Variants in NAALADL2 observed in about 807,000 individuals in gnomAD.
NAALADL2 encodes the protein N-acetylated alpha-linked acidic dipeptidase like 2, also known as inactive N-acetylated-alpha-linked acidic dipeptidase-like protein 2.
A neutral mutation model predicts 87.2 loss-of-function variants in NAALADL2; 76 were observed. The observed-to-expected ratio is 0.87, with a 90% CI of 0.72 to 1.05. The LOEUF (loss-of-function observed/expected upper bound fraction) is 1.05. NAALADL2 is among the 50% of genes least tolerant of loss of function. NAALADL2 has a pLI of 0.00. For missense variants in NAALADL2, 1,089 were observed against 945.8 expected, an observed-to-expected ratio of 1.15 and a Z score of -1.99; for synonymous variants, 354 against 331.0, an observed-to-expected ratio of 1.07 and a Z score of -0.75.
At chr3:175,544,659 C>T (rs1712987041) in intron 9 of NAALADL2, among the ~76,000 whole-genome samples, 1 of 152,054 alleles carries the variant, frequency 6.6e-6, no homozygotes, top group Admixed American at 6.6e-5. Flanking sequence ...TGGATATTTG[C>T]CTATTTTATA....
rs148978113 is a variant in NAALADL2, at chr3:175,541,373, A to G, written c.1654-34668A>G. Reference sequence around the variant, plus strand: ...ATTTAATACACCTAACCTTTCAAACATCATAGCTTAACCTAGCCTACCTTA... The same window carrying G: ...ATTTAATACACCTAACCTTTCAAACGTCATAGCTTAACCTAGCCTACCTTA... On this transcript the variant is annotated intron_variant, in intron 9 of 13. Coordinates refer to ENST00000454872, the MANE Select transcript of NAALADL2 (RefSeq NM_207015.3). Among the ~76,000 whole-genome samples the G allele has an allele frequency of 3.3e-3, 497 of 152,340 alleles. 4 individuals are homozygous for G. Among genetic ancestry groups the G allele is most frequent in the Non-Finnish European group, 6.0e-3 (406 of 68,032 alleles).
At chr3:174,580,262 T>C (rs1716015138) in intron 2 of NAALADL2, among the ~76,000 whole-genome samples, 2 of 152,222 alleles carry the variant, frequency 1.3e-5, no homozygotes, top group East Asian at 1.9e-4. Flanking sequence ...TTGTACGTTT[T>C]TTCATGTGGA....
rs1279189457 is a variant in NAALADL2, at chr3:175,195,754, T to C, written c.546-38177T>C. On this transcript the variant is annotated intron_variant, in intron 2 of 13. Coordinates refer to ENST00000454872, the MANE Select transcript of NAALADL2 (RefSeq NM_207015.3). ...ATAAATTATTGTTCCATGTTGAATT[T>C]ATTGTTATGGGCCTGAAGGCTTTCA... Among the ~76,000 whole-genome samples the C allele has an allele frequency of 4.6e-5, 7 of 151,976 alleles. No homozygotes were observed. The South Asian group carries it at 1.4e-3, about 31-fold the overall frequency.
rs57931413 is a variant in NAALADL2 at position 174,671,929 on chromosome 3, GTGATGA to G, written c.-114-65684_-114-65679del. 3.3e-3 allele frequency among the ~76,000 whole-genome samples: 499 copies of G among 150,470 alleles called. 2 individuals carry two copies. Among genetic ancestry groups the G allele is most frequent in the Middle Eastern group, 6.8e-3 (2 of 294 alleles). ...TCTAGTTCAATAAATGTTAACTACT[GTGATGA>G]TGATGATGATGATGATGATGATGAT... On this transcript the variant is annotated intron_variant, in intron 2 of 3. Transcript: ENST00000434257.
Position 175,471,754 on chromosome 3 carries a change from T to G in NAALADL2, c.1649T>G (p.Val550Gly), listed in dbSNP as rs1371622376. The G allele has an allele frequency of 1.9e-6, 3 of 1,605,218 alleles. No individual in the cohort carries two copies. The highest frequency in any genetic ancestry group is 2.2e-5 in the South Asian group (2 of 89,130). The change falls in exon 9 of 14, where the codon GTA becomes GGA. Residue 550 changes from valine to glycine, a missense_variant. Physicochemically the swap from Val to Gly is moderately radical, Grantham distance 109. Coordinates refer to ENST00000454872, the MANE Select transcript of NAALADL2 (RefSeq NM_207015.3). Reference sequence around the variant, plus strand: ...TCACCATCTCTTCAGCAACTGGTAGTAGAGGTAAGACAAACCACTATTGTA... The same window carrying G: ...TCACCATCTCTTCAGCAACTGGTAGGAGAGGTAAGACAAACCACTATTGTA... ...VASPSLQQLV[V>G]EKNNFNCTRR... is the part of the protein sequence containing the mutation.
At chr3:174,908,189 C>T (rs561474514) in intron 1 of NAALADL2, among the ~76,000 whole-genome samples, 1 of 151,864 alleles carries the variant, frequency 6.6e-6, no homozygotes, top group Non-Finnish European at 1.5e-5. Flanking sequence ...CAAATAAATG[C>T]CAGGAAGTCA....
At chr3:174,722,379 C>T (rs1236251651) in intron 2 of NAALADL2, among the ~76,000 whole-genome samples, 1 of 152,106 alleles carries the variant, frequency 6.6e-6, no homozygotes, top group Admixed American at 6.5e-5. Flanking sequence ...CTAATTTAAC[C>T]CTCCTATTGC....
chr3:175,308,473 T>G (rs866106310), intron 4 of NAALADL2, among the ~76,000 whole-genome samples: 1 of 152,340 alleles, frequency 6.6e-6, no homozygotes, highest in Middle Eastern at 3.4e-3. Context: ...CTAAGTCACC[T>G]GGGATATAGT....
intron 1 of NAALADL2, among the ~76,000 whole-genome samples, chr3:174,951,319 C>T (rs1740307178): frequency 6.6e-6 from 1 of 151,632 alleles, no homozygotes; most frequent in African/African-American, 2.4e-5. Flanking sequence ...TCCATTAGAA[C>T]AGCAAACTAG....
chr3:175,388,162 G>A (rs1768631505), intron 5 of NAALADL2, among the ~76,000 whole-genome samples: 1 of 152,074 alleles, frequency 6.6e-6, no homozygotes, highest in South Asian at 2.1e-4. Flanking sequence ...ATTAGTAAGT[G>A]TATGATGAAG....
chr3:174,706,785 C>A (rs1730111479), intron 2 of NAALADL2, among the ~76,000 whole-genome samples: 1 of 152,140 alleles, frequency 6.6e-6, no homozygotes, highest in Non-Finnish European at 1.5e-5. Context: ...ACATTTAAGT[C>A]TTTAATCCAT....
intron 1 of NAALADL2, among the ~76,000 whole-genome samples, chr3:174,873,143 A>G (rs1728050992): frequency 6.6e-6 from 1 of 152,076 alleles, no homozygotes; most frequent in Admixed American, 6.6e-5. Flanking sequence ...GTTTGCATTA[A>G]TCTATTTAAC....
chr3:175,457,848 A>G (rs12489340), intron 6 of NAALADL2, among the ~76,000 whole-genome samples: 3,520 of 151,282 alleles, frequency 0.023, 152 homozygotes, highest in East Asian at 0.14. Context: ...TTGAAATTCC[A>G]CTGTAAAGAA....
intron 4 of NAALADL2, among the ~76,000 whole-genome samples, chr3:175,273,374 C>T (rs1753134734): frequency 6.6e-6 from 1 of 152,042 alleles, no homozygotes; most frequent in African/African-American, 2.4e-5. Context: ...GGCAATTTAT[C>T]TTTCTACAAG....
intron 5 of NAALADL2, among the ~76,000 whole-genome samples, chr3:175,353,001 A>G (rs1195541454): frequency 6.6e-6 from 1 of 152,230 alleles, no homozygotes; most frequent in East Asian, 1.9e-4. Flanking sequence ...GAACCCTGAA[A>G]GACAGGGCAT....
At chr3:174,717,840 C>T (rs968893744) in intron 2 of NAALADL2, among the ~76,000 whole-genome samples, 1 of 152,068 alleles carries the variant, frequency 6.6e-6, no homozygotes, top group African/African-American at 2.4e-5. Flanking sequence ...GAAGTTTCCT[C>T]CTTGGCCGGG....
intron 4 of NAALADL2, among the ~76,000 whole-genome samples, chr3:175,260,126 A>G (rs1750762348): frequency 6.6e-6 from 1 of 152,238 alleles, no homozygotes; most frequent in Non-Finnish European, 1.5e-5. Context: ...TTTGCTACAG[A>G]TAATATTTAC....
At chr3:175,011,791 G>A (rs1749860420) in intron 1 of NAALADL2, among the ~76,000 whole-genome samples, 2 of 152,086 alleles carry the variant, frequency 1.3e-5, no homozygotes, top group South Asian at 4.1e-4. Flanking sequence ...ACTAAGTTAT[G>A]TTCCCTCCAG....
At chr3:175,698,748 T>C (rs1738555533) in intron 11 of NAALADL2, among the ~76,000 whole-genome samples, 2 of 151,728 alleles carry the variant, frequency 1.3e-5, no homozygotes, top group Non-Finnish European at 3.0e-5. Context: ...GCCACATTAA[T>C]ACAATTACCT....
Sources: gnomAD v4.1 joint callset for allele counts (sites outside exome capture counted in the v4.1 genomes callset) on GRCh38, gnomAD v4.1.1 for gene constraint, MANE v1.5 for transcripts, NCBI Gene and HGNC (gene_info 2026-07-23, HGNC 2026-07-21) for gene names.